The following GBE1 variants were observed in gnomAD, a reference collection of about 807,000 sequenced individuals.
GBE1 encodes the protein 1,4-alpha-glucan-branching enzyme.
A neutral mutation model predicts 88.8 loss-of-function variants in GBE1; 70 were observed. That is an observed-to-expected ratio of 0.79 (90% CI 0.65 to 0.96). GBE1 has a LOEUF of 0.96. GBE1 is among the 40% of genes least tolerant of loss of function. The pLI is 0.00. For missense variants in GBE1, 872 were observed against 871.0 expected (o/e 1.00, Z -0.01); for synonymous variants, 284 against 300.1 (o/e 0.95, Z 0.56).
At chr3:81,536,876 T>A (rs760050148) in intron 13 of GBE1, 35 bp downstream of exon 13, 4 of 1,513,558 alleles carry the variant, frequency 2.6e-6, no homozygotes, top group Non-Finnish European at 3.5e-6. Flanking sequence ...ACCTCATTGG[T>A]GACTAAAACA....
intron 5 of GBE1, among the ~76,000 whole-genome samples, chr3:81,647,996 T>C (rs1704790500): frequency 6.6e-6 from 1 of 152,008 alleles, no homozygotes; most frequent in Non-Finnish European, 1.5e-5. Flanking sequence ...ATCTCAAATA[T>C]AATAATTTAG....
chr3:81,677,515 G>T (rs1355886567), intron 2 of GBE1, among the ~76,000 whole-genome samples: 1 of 152,104 alleles, frequency 6.6e-6, no homozygotes, highest in Non-Finnish European at 1.5e-5. Context: ...TAATGCAAAG[G>T]CTTATAAAGA....
intron 1 of GBE1, among the ~76,000 whole-genome samples, chr3:81,750,672 TAC>T (rs1338439331): frequency 1.2e-4 from 9 of 77,724 alleles, no homozygotes; most frequent in East Asian, 1.2e-3. Flanking sequence ...TATATATATA[TAC>T]GTATATATAT....
At position 81,688,843 on chromosome 3, in the gene GBE1, C is replaced by T. The variant is rs553075152; in HGVS notation, c.313+16601G>A. 1.1e-4 allele frequency among the ~76,000 whole-genome samples: 17 copies of T among 151,228 alleles called. No homozygotes were observed. The South Asian group carries it at 1.7e-3, about 15-fold the overall frequency. On this transcript the variant is annotated intron_variant, in intron 2 of 15. Coordinates refer to ENST00000429644, the MANE Select transcript of GBE1 (RefSeq NM_000158.4). ...CTAAATGCCAAAAATATTATATATA[C>T]TATATATATTTAATGCTATATGTAA...
chr3:81,590,759 G>A (rs1703866141), intron 9 of GBE1, among the ~76,000 whole-genome samples: 1 of 151,928 alleles, frequency 6.6e-6, no homozygotes, highest in Non-Finnish European at 1.5e-5. Context: ...CATAGCGAAG[G>A]GCCTGTCCAC....
At chr3:81,581,073 C>T (rs777061835) in intron 11 of GBE1, 92 bp downstream of exon 11, 119 of 723,834 alleles carry the variant, frequency 1.6e-4, no homozygotes, top group African/African-American at 1.3e-3. Context: ...GTTTATATTT[C>T]GATATGTTTA....
chr3:81,719,180 T>C (rs1705984901), intron 1 of GBE1, among the ~76,000 whole-genome samples: 1 of 152,132 alleles, frequency 6.6e-6, no homozygotes, highest in Non-Finnish European at 1.5e-5. Flanking sequence ...ATGTTAACTT[T>C]TCCTATTTTA....
At chr3:81,533,362 A>G (rs1206910876) in intron 14 of GBE1, among the ~76,000 whole-genome samples, 1 of 152,070 alleles carries the variant, frequency 6.6e-6, no homozygotes, top group Non-Finnish European at 1.5e-5. Context: ...TGTAGGCATA[A>G]AGAGACAGAC....
At chr3:81,691,853 G>C (rs574239847) in intron 2 of GBE1, among the ~76,000 whole-genome samples, 111 of 151,268 alleles carry the variant, frequency 7.3e-4, no homozygotes, top group African/African-American at 2.4e-3. Context: ...TATTCATCTG[G>C]GTAGATCTTA....
intron 12 of GBE1, among the ~76,000 whole-genome samples, chr3:81,562,166 C>T (rs1483480647): frequency 1.3e-5 from 2 of 151,864 alleles, no homozygotes; most frequent in South Asian, 2.1e-4. Flanking sequence ...GCAGTAGGTG[C>T]CAAATTAGTG....
At chr3:81,583,895 C>T (rs547658870) in intron 10 of GBE1, among the ~76,000 whole-genome samples, 1 of 152,114 alleles carries the variant, frequency 6.6e-6, no homozygotes, top group East Asian at 1.9e-4. Flanking sequence ...GAAGCTACCA[C>T]TGGGGAAAAC....
intron 14 of GBE1, among the ~76,000 whole-genome samples, chr3:81,532,403 C>T (rs540625880): frequency 6.6e-6 from 1 of 151,982 alleles, no homozygotes; most frequent in Non-Finnish European, 1.5e-5. Flanking sequence ...CAAAGTGAAA[C>T]CTTACATTTT....
intron 15 of GBE1, among the ~76,000 whole-genome samples, chr3:81,493,834 GTT>G (rs34052684): frequency 2.7e-5 from 4 of 147,600 alleles, no homozygotes; most frequent in African/African-American, 5.0e-5. Context: ...ATCCGAGAGG[GTT>G]TTTTTTTTTA....
chr3:81,749,419 G>A (rs1420421593), intron 1 of GBE1, among the ~76,000 whole-genome samples: 1 of 151,978 alleles, frequency 6.6e-6, no homozygotes, highest in Non-Finnish European at 1.5e-5. Context: ...TTACAGACAT[G>A]CAAACCATAT....
At chr3:81,568,625 T>A (rs1054806423) in intron 12 of GBE1, among the ~76,000 whole-genome samples, 2 of 152,182 alleles carry the variant, frequency 1.3e-5, no homozygotes. Context: ...AATGTGTACT[T>A]AGTAACTACC....
At chr3:81,756,156 C>A (rs930626481) in intron 1 of GBE1, among the ~76,000 whole-genome samples, 2 of 152,122 alleles carry the variant, frequency 1.3e-5, no homozygotes, top group Non-Finnish European at 2.9e-5. Context: ...ACTGACTATT[C>A]CTTCAGAGAT....
chr3:81,695,762 C>T (rs539481708), intron 2 of GBE1, among the ~76,000 whole-genome samples: 1 of 152,124 alleles, frequency 6.6e-6, no homozygotes, highest in Non-Finnish European at 1.5e-5. Context: ...CTTATGTGTC[C>T]ATGGTTGTTA....
At chr3:81,686,833 C>T (rs561709468) in intron 2 of GBE1, among the ~76,000 whole-genome samples, 2 of 152,068 alleles carry the variant, frequency 1.3e-5, no homozygotes, top group African/African-American at 4.8e-5. Flanking sequence ...ATTATTAATG[C>T]CTTAGTATAA....
chr3:81,533,527 A>G (rs1200106206), intron 14 of GBE1, among the ~76,000 whole-genome samples: 1 of 152,048 alleles, frequency 6.6e-6, no homozygotes, highest in Non-Finnish European at 1.5e-5. Context: ...AATGTCACTG[A>G]GCAGCATGGG....
Sources: gnomAD v4.1 joint callset for allele counts (sites outside exome capture counted in the v4.1 genomes callset) on GRCh38, gnomAD v4.1.1 for gene constraint, MANE v1.5 for transcripts, NCBI Gene and HGNC (gene_info 2026-07-23, HGNC 2026-07-21) for gene names.